The following RELN variants were observed in gnomAD, a reference collection of about 807,000 sequenced individuals.
The protein encoded by RELN is reelin.
A neutral mutation model predicts 427.6 loss-of-function variants in RELN; 108 were observed. The observed-to-expected ratio is 0.25, with a 90% confidence interval of 0.22 to 0.30. The LOEUF is 0.30. RELN is among the 10% of genes least tolerant of loss of function. The pLI is 1.00. For missense variants in RELN, 3,715 were observed against 4,302.8 expected, an observed-to-expected ratio of 0.86 and a Z score of 3.82; for synonymous variants, 1,524 against 1,513.4, an observed-to-expected ratio of 1.01 and a Z score of -0.16.
chr7:103,600,887 T>A (rs1474683412), intron 24 of RELN, among the ~76,000 whole-genome samples: 1 of 152,182 alleles, frequency 6.6e-6, no homozygotes, highest in African/African-American at 2.4e-5. Context: ...ACACATATGA[T>A]CTCTTTCTGT....
chr7:103,656,714 T>C (rs1370407255), intron 12 of RELN, among the ~76,000 whole-genome samples: 1 of 152,074 alleles, frequency 6.6e-6, no homozygotes, highest in African/African-American at 2.4e-5. Context: ...CAAATGGTGG[T>C]TGGTACTGTA....
At chr7:103,599,257 T>C (rs1831609514) in intron 24 of RELN, among the ~76,000 whole-genome samples, 1 of 152,216 alleles carries the variant, frequency 6.6e-6, no homozygotes, top group Non-Finnish European at 1.5e-5. Flanking sequence ...TCTTTTTTTT[T>C]CATTCATTTA....
At chr7:103,482,514 A>G (rs1828277811) in intron 63 of RELN, among the ~76,000 whole-genome samples, 1 of 152,248 alleles carries the variant, frequency 6.6e-6, no homozygotes. Flanking sequence ...TGCCCACTAC[A>G]GATCCTTCCT....
chr7:103,873,845 A>G (rs1314757284), intron 2 of RELN, among the ~76,000 whole-genome samples: 2 of 117,924 alleles, frequency 1.7e-5, no homozygotes, highest in East Asian at 7.0e-4. Flanking sequence ...AATCCTCCCT[A>G]ACTCATTTTA....
At chr7:103,714,709 C>A (rs1789894378) in intron 8 of RELN, among the ~76,000 whole-genome samples, 1 of 152,100 alleles carries the variant, frequency 6.6e-6, no homozygotes, top group Admixed American at 6.5e-5. Flanking sequence ...AGAAGCAGAG[C>A]AGGAAAAAAT....
intron 8 of RELN, among the ~76,000 whole-genome samples, chr7:103,702,738 A>G (rs1426894264): frequency 6.6e-6 from 1 of 152,144 alleles, no homozygotes; most frequent in African/African-American, 2.4e-5. Context: ...CTTCCTTGAC[A>G]TTGTCAAGGG....
chr7:103,926,816 T>C (rs1449653098), intron 1 of RELN, among the ~76,000 whole-genome samples: 1 of 151,996 alleles, frequency 6.6e-6, no homozygotes, highest in Non-Finnish European at 1.5e-5. Context: ...AGCTAATTTT[T>C]TTTGTATTTT....
intron 2 of RELN, among the ~76,000 whole-genome samples, chr7:103,834,036 A>C (rs1563040399): frequency 1.3e-5 from 2 of 152,320 alleles, no homozygotes; most frequent in East Asian, 3.9e-4. Flanking sequence ...GGTGGGAGGC[A>C]TCTCAGTAAA....
At chr7:103,763,971 G>A (rs548230615) in intron 4 of RELN, among the ~76,000 whole-genome samples, 2 of 152,288 alleles carry the variant, frequency 1.3e-5, no homozygotes, top group African/African-American at 4.8e-5. Flanking sequence ...TAGACACACT[G>A]GATATAGACA....
chr7:103,969,157 A>AAC (rs67501399), intron 1 of RELN, among the ~76,000 whole-genome samples: 1 of 151,714 alleles, frequency 6.6e-6, no homozygotes, highest in Non-Finnish European at 1.5e-5. Context: ...GCAAAAAAAA[A>AAC]ATGCATTTAA....
intron 11 of RELN, among the ~76,000 whole-genome samples, chr7:103,670,623 G>GTTA (rs1833370725): frequency 6.6e-6 from 1 of 151,914 alleles, no homozygotes; most frequent in African/African-American, 2.4e-5. Context: ...TTAGCATGGG[G>GTTA]GGGAAATTTT....
intron 28 of RELN, among the ~76,000 whole-genome samples, chr7:103,576,091 C>T (rs1185327815): frequency 2.0e-5 from 3 of 152,228 alleles, no homozygotes; most frequent in Non-Finnish European, 4.4e-5. Flanking sequence ...AGTAGCCGGG[C>T]GTGGTGGCAC....
chr7:103,533,887 T>C (rs959233824), intron 46 of RELN, among the ~76,000 whole-genome samples: 3 of 149,092 alleles, frequency 2.0e-5, no homozygotes, highest in Admixed American at 2.0e-4. Context: ...TAAAAGACTG[T>C]TGCCTTAATG....
intron 1 of RELN, among the ~76,000 whole-genome samples, chr7:103,937,265 C>A (rs1563100977): frequency 6.6e-6 from 1 of 152,182 alleles, no homozygotes; most frequent in Admixed American, 6.5e-5. Context: ...CTAGAAAGAT[C>A]AATTTATCTT....
intron 3 of RELN, among the ~76,000 whole-genome samples, chr7:103,799,440 T>C (rs561266525): frequency 1.5e-4 from 23 of 152,302 alleles, no homozygotes; most frequent in Non-Finnish European, 2.9e-4. Context: ...TTATCAGTAT[T>C]CTTCTGTCAC....
intron 10 of RELN, among the ~76,000 whole-genome samples, chr7:103,684,447 G>A (rs1047749774): frequency 5.3e-5 from 8 of 152,108 alleles, no homozygotes; most frequent in Non-Finnish European, 1.2e-4. Flanking sequence ...GGCTTCCTTG[G>A]TTAGGCATTG....
At chr7:103,587,421 A>G (rs1400250809) in intron 28 of RELN, among the ~76,000 whole-genome samples, 1 of 152,166 alleles carries the variant, frequency 6.6e-6, no homozygotes, top group East Asian at 1.9e-4. Flanking sequence ...AAACTACAAA[A>G]ATTCTAGAAG....
chr7:103,783,060 TG>T (rs892932142), intron 3 of RELN, among the ~76,000 whole-genome samples: 159 of 152,258 alleles, frequency 1.0e-3, no homozygotes, highest in African/African-American at 3.8e-3. Context: ...AAAAAAGAGT[TG>T]ATCTGAGTTC....
At chr7:103,638,543 AC>A (rs34644569) in intron 17 of RELN, among the ~76,000 whole-genome samples, 17,956 of 152,224 alleles carry the variant, frequency 0.12, 1,146 homozygotes, top group South Asian at 0.18. Flanking sequence ...AAGTGGTATT[AC>A]ATATACATTT....
Sources: allele counts gnomAD v4.1 joint callset (sites outside exome capture counted in the v4.1 genomes callset), GRCh38; gene constraint gnomAD v4.1.1; transcripts MANE v1.5; gene names NCBI Gene and HGNC (gene_info 2026-07-23, HGNC 2026-07-21).